The following FHIT variants were observed in gnomAD, a reference collection of about 807,000 sequenced individuals.
FHIT encodes the protein bis(5'-adenosyl)-triphosphatase.
In FHIT, 19 loss-of-function variants were observed where a neutral mutation model predicts 17.9. That is an observed-to-expected ratio of 1.06 (90% CI 0.74 to 1.56). The LOEUF (loss-of-function observed/expected upper bound fraction) is 1.56. Ranked by LOEUF, FHIT falls within the 40% of genes most tolerant of loss-of-function variation. The pLI is 0.00. For missense variants in FHIT, 248 were observed against 189.2 expected, an observed-to-expected ratio of 1.31 and a Z score of -1.82; for synonymous variants, 81 against 69.7, an observed-to-expected ratio of 1.16 and a Z score of -0.81.
intron 2 of FHIT, among the ~76,000 whole-genome samples, chr3:61,104,283 A>G (rs2035927409): frequency 1.3e-5 from 2 of 152,120 alleles, no homozygotes. Context: ...TTCTCTCAGC[A>G]TTTGCTTGTC....
intron 5 of FHIT, among the ~76,000 whole-genome samples, chr3:60,151,116 C>G (rs1396177067): frequency 6.6e-6 from 1 of 152,100 alleles, no homozygotes; most frequent in African/African-American, 2.4e-5. Context: ...ATCCAAGGAA[C>G]TCTGATGTAA....
intron 5 of FHIT, among the ~76,000 whole-genome samples, chr3:60,263,728 C>A (rs1706422094): frequency 6.6e-6 from 1 of 151,862 alleles, no homozygotes; most frequent in Admixed American, 6.6e-5. Flanking sequence ...TGACAGTATT[C>A]TACAGTAATC....
At chr3:61,138,052 T>C (rs2036967456) in intron 2 of FHIT, among the ~76,000 whole-genome samples, 1 of 152,218 alleles carries the variant, frequency 6.6e-6, no homozygotes, top group African/African-American at 2.4e-5. Flanking sequence ...ACTTAACCGC[T>C]CTGTGACTCA....
At chr3:60,981,977 T>A (rs1710516746) in intron 3 of FHIT, among the ~76,000 whole-genome samples, 1 of 152,166 alleles carries the variant, frequency 6.6e-6, no homozygotes, top group Non-Finnish European at 1.5e-5. Context: ...CTTCACTCCA[T>A]CTCGGCAGAT....
At chr3:59,767,985 CAAT>C (rs376218462) in intron 8 of FHIT, among the ~76,000 whole-genome samples, 35 of 152,264 alleles carry the variant, frequency 2.3e-4, no homozygotes, top group African/African-American at 7.9e-4. Flanking sequence ...GGTAGAGGCA[CAAT>C]ATTATTATCC....
At chr3:60,473,952 C>T (rs2033217706) in intron 5 of FHIT, among the ~76,000 whole-genome samples, 1 of 151,684 alleles carries the variant, frequency 6.6e-6, no homozygotes, top group Non-Finnish European at 1.5e-5. Flanking sequence ...GAAAACCTAA[C>T]CTCACAGAGA....
intron 5 of FHIT, among the ~76,000 whole-genome samples, chr3:60,096,440 A>G (rs1341223776): frequency 6.6e-6 from 1 of 152,116 alleles, no homozygotes; most frequent in East Asian, 1.9e-4. Context: ...TCAACCAAGA[A>G]AGGTCAGGCA....
chr3:60,271,865 G>C (rs576920479), intron 5 of FHIT, among the ~76,000 whole-genome samples: 94 of 152,310 alleles, frequency 6.2e-4, no homozygotes, highest in African/African-American at 2.2e-3. Flanking sequence ...ATGCACTTCT[G>C]AATTGCTGAC....
chr3:59,979,909 C>G (rs555108278), intron 7 of FHIT, among the ~76,000 whole-genome samples: 4 of 152,156 alleles, frequency 2.6e-5, no homozygotes, highest in Non-Finnish European at 4.4e-5. Context: ...GGAGATGAAA[C>G]AGTAGCTCTT....
intron 4 of FHIT, among the ~76,000 whole-genome samples, chr3:60,803,957 T>G (rs2106678895): frequency 6.6e-6 from 1 of 152,322 alleles, no homozygotes; most frequent in South Asian, 2.1e-4. Flanking sequence ...GCTCCCGTAC[T>G]GAGGTCTGGC....
intron 8 of FHIT, among the ~76,000 whole-genome samples, chr3:59,849,148 A>C (rs1701833816): frequency 6.6e-6 from 1 of 152,200 alleles, no homozygotes; most frequent in South Asian, 2.1e-4. Context: ...AGGCAGGCAG[A>C]TCACTTGAGG....
intron 5 of FHIT, among the ~76,000 whole-genome samples, chr3:60,284,355 T>A (rs895635482): frequency 6.6e-6 from 1 of 152,108 alleles, no homozygotes; most frequent in Non-Finnish European, 1.5e-5. Context: ...CAAAATATCC[T>A]CACTGAACAC....
intron 2 of FHIT, among the ~76,000 whole-genome samples, chr3:61,106,872 G>A (rs1447618198): frequency 1.3e-5 from 2 of 152,088 alleles, no homozygotes; most frequent in South Asian, 2.1e-4. Context: ...TATCGGACAG[G>A]CTGGTCTCAA....
At chr3:60,956,547 G>C (rs1258716530) in intron 3 of FHIT, among the ~76,000 whole-genome samples, 7 of 152,184 alleles carry the variant, frequency 4.6e-5, no homozygotes, top group Non-Finnish European at 1.0e-4. Context: ...ACCAAGTAGT[G>C]CCCTGAAGAC....
chr3:60,989,366 A>G (rs1167864686), intron 3 of FHIT, among the ~76,000 whole-genome samples: 1 of 151,616 alleles, frequency 6.6e-6, no homozygotes, highest in East Asian at 1.9e-4. Context: ...TTTGTTGCTC[A>G]GTCTGGTCCT....
At chr3:60,944,807 A>G (rs1708571490) in intron 3 of FHIT, among the ~76,000 whole-genome samples, 1 of 152,222 alleles carries the variant, frequency 6.6e-6, no homozygotes, top group Non-Finnish European at 1.5e-5. Context: ...TAGTAGAGGC[A>G]TGCCAAATTA....
chr3:60,248,146 T>C (rs1705500756), intron 5 of FHIT, among the ~76,000 whole-genome samples: 1 of 152,120 alleles, frequency 6.6e-6, no homozygotes, highest in Non-Finnish European at 1.5e-5. Flanking sequence ...AAAAAAGCTG[T>C]AAAACGTCCT....
chr3:60,730,960 CAAAAAAAA>C lies in FHIT; in HGVS notation c.-18+90951_-18+90958del, dbSNP rs56078734. Reference sequence around the variant, plus strand: ...TGAAACCCAGTCTCTAATAAAAATACAAAAAAAAAAAAAAAAAAAAATTAGCCCAGCGT... The same window carrying C: ...TGAAACCCAGTCTCTAATAAAAATACAAAAAAAAAAAAATTAGCCCAGCGT... On this transcript the variant is annotated intron_variant, in intron 4 of 9. Coordinates refer to ENST00000492590, the MANE Select transcript of FHIT (RefSeq NM_002012.4). Among the ~76,000 whole-genome samples, 559 of 135,736 alleles carry C rather than the reference CAAAAAAAA, an allele frequency of 4.1e-3. 6 individuals carry two copies. The highest frequency in any genetic ancestry group is 0.018 in the East Asian group (85 of 4,720). 89.0% of individuals were successfully genotyped at this position (135,736 alleles called of 152,430 possible).
chr3:60,127,236 G>A (rs1705593873), intron 5 of FHIT, among the ~76,000 whole-genome samples: 1 of 152,168 alleles, frequency 6.6e-6, no homozygotes, highest in Admixed American at 6.5e-5. Context: ...CAGGCACACA[G>A]CTGCACCAAC....
Sources: gnomAD v4.1 joint callset for allele counts (sites outside exome capture counted in the v4.1 genomes callset) on GRCh38, gnomAD v4.1.1 for gene constraint, MANE v1.5 for transcripts, NCBI Gene and HGNC (gene_info 2026-07-23, HGNC 2026-07-21) for gene names.